Variants in B4GALNT4 observed in about 807,000 individuals in gnomAD.
B4GALNT4 encodes beta-1,4-N-acetyl-galactosaminyltransferase 4.
A neutral mutation model predicts 110.0 loss-of-function variants in B4GALNT4; 77 were observed. The ratio of observed to expected loss-of-function variants is 0.70; its 90% CI spans 0.58 to 0.85. The LOEUF is 0.85. Among genes scored for constraint, B4GALNT4 ranks in the 40% least tolerant of loss-of-function variants. B4GALNT4 has a pLI of 0.00. For missense variants in B4GALNT4, 1,575 were observed against 1,506.0 expected (o/e 1.05, Z -0.76); for synonymous variants, 785 against 655.5 (o/e 1.20, Z -3.02).
intron 8 of B4GALNT4, among the ~76,000 whole-genome samples, 159 bp from the exon 9 acceptor site, chr11:375,302 C>T (rs1325293400): frequency 2.0e-5 from 3 of 151,950 alleles, no homozygotes; most frequent in Non-Finnish European, 4.4e-5. Flanking sequence ...TTCCCTGCTG[C>T]CCCTTCTTGG....
intron 1 of B4GALNT4, 67 bp downstream of exon 1, chr11:370,021 C>CGGCGCGGGG (rs1291773272): frequency 2.5e-4 from 10 of 39,748 alleles, no homozygotes; most frequent in South Asian, 1.9e-3. Flanking sequence ...GGGGCGCGGG[C>CGGCGCGGGG]GGCGCGGGGG....
At position 381,785 on chromosome 11, in the gene B4GALNT4, C is replaced by G. The variant is rs745601138; in HGVS notation, c.3113C>G (p.Ala1038Gly). ...VRSRKGSRTG[A>G]S The stretch of plus-strand genomic sequence containing the variant: ...AGCAGGAAGGGCTCTCGCACGGGGG[C>G]GTCTTGAGGACGGGCAGCCCCTCCC... The change falls in exon 20 of 20, where the codon GCG (alanine) becomes GGG (glycine). Residue 1038 changes from alanine (A) to glycine (G), a missense_variant. Coordinates refer to ENST00000329962, the MANE Select transcript of B4GALNT4 (RefSeq NM_178537.5). 2 of 1,578,432 alleles carry G rather than the reference C, an allele frequency of 1.3e-6. No homozygotes were observed. The highest frequency in any genetic ancestry group is 4.8e-5 in the East Asian group (2 of 41,902).
chr11:375,660 A>T lies in B4GALNT4; in HGVS notation c.872A>T (p.Asp291Val). The change falls in exon 10 of 20, where the codon GAC (aspartate) becomes GTC (valine). Residue 291 changes from aspartate (D) to valine (V), a missense_variant. Coordinates refer to ENST00000329962, the MANE Select transcript of B4GALNT4 (RefSeq NM_178537.5). The part of the protein sequence containing the change: ...LYTDESALKM[D>V]HVAHVPQSPA... ...CCAGATGAGTCAGCCTTGAAGATGG[A>T]CCACGTGGCGCACGTCCCCCAGTCT... 6.3e-7 allele frequency: 1 copy of T among 1,591,168 alleles called. No homozygotes were observed. Among genetic ancestry groups the T allele is most frequent in the Non-Finnish European group, 8.5e-7 (1 of 1,173,292 alleles).
At position 381,779 on chromosome 11, in the gene B4GALNT4, CG is replaced by C. The variant is rs1846882208; in HGVS notation, c.3112del (p.Ala1038ArgfsTer24). On this transcript the variant is annotated frameshift_variant, in exon 20 of 20. Transcript: ENST00000329962. LOFTEE classifies it high-confidence loss of function. ...WSVRSRKGSR[T>X]GAS is the part of the protein sequence containing the mutation. ...GTCCGCAGCAGGAAGGGCTCTCGCACGGGGGCGTCTTGAGGACGGGCAGCCC... is the reference window on the plus strand; with the variant it reads ...GTCCGCAGCAGGAAGGGCTCTCGCACGGGGCGTCTTGAGGACGGGCAGCCC... 3 of 1,581,330 alleles carry C rather than the reference CG, an allele frequency of 1.9e-6. No individual in the cohort carries two copies. The highest frequency in any genetic ancestry group is 2.6e-6 in the Non-Finnish European group (3 of 1,167,328).
chr11:376,670 C>A lies in B4GALNT4; in HGVS notation c.1547C>A (p.Pro516His). Residue 516 changes from proline to histidine, a missense_variant, in exon 14 of 20, where the codon CCT becomes CAT. Pro to His is a moderately conservative substitution (Grantham distance 77). Transcript: ENST00000329962. ...TTGGGCCGAGCTCCGCCCCCGCGCCCTGCAGTGGAGCAGCCGCCCCCAAAG... is the reference window on the plus strand; with the variant it reads ...TTGGGCCGAGCTCCGCCCCCGCGCCATGCAGTGGAGCAGCCGCCCCCAAAG... ...LFLGRAPPPR[P>H]AVEQPPPKVY... 7.0e-7 allele frequency: 1 copy of A among 1,429,792 alleles called. No homozygotes were observed. Among genetic ancestry groups the A allele is most frequent in the South Asian group, 1.3e-5 (1 of 74,560 alleles). The allele number at this position is 1,429,792 out of a possible 1,614,324, so 88.6% of individuals were successfully genotyped here.
rs993099446 is a variant in B4GALNT4 at position 369,504 on chromosome 11, G to GC, written c.-299dup. Among the ~76,000 whole-genome samples, 2 of 130,264 alleles carry GC rather than the reference G, an allele frequency of 1.5e-5. No individual in the cohort carries two copies. The highest frequency in any genetic ancestry group is 3.3e-5 in the Non-Finnish European group (2 of 60,706). 85.5% of individuals were successfully genotyped at this position (130,264 alleles called of 152,430 possible). On this transcript the variant is annotated 5_prime_UTR_variant, in exon 1 of 20. Transcript: ENST00000329962. ...CGCGCGCGCGGCCGGGGCCCGATCC[G>GC]CGGTGGCAGCCGTGGATGCTGTTCG...
rs1264275059 is a variant in B4GALNT4 at position 377,178 on chromosome 11, G to A, written c.2055G>A (p.Thr685=). The A allele has an allele frequency of 2.5e-6, 4 of 1,575,916 alleles. No homozygotes were observed. The highest frequency in any genetic ancestry group is 2.6e-6 in the Non-Finnish European group (3 of 1,162,670). Residue 685 remains threonine (T), a synonymous_variant, in exon 14 of 20, where the codon ACG becomes ACA. Transcript: ENST00000329962. ...AGGACGCCATCGACTGGCAGCGCAC[G>A]TTCAGCGTGGGCGCCGTGGACTTCG... ...WREDAIDWQR[T]FSVGAVDFEL...
In B4GALNT4 at chr11:373,422, C is replaced by CA. The variant is rs112930400; in HGVS notation, c.637-26dup. ...GGAGAGAGTGAACCCCCCCCCCCAC[C>CA]ACCACCCCTGCTCTATCACCCCCCA... On this transcript the variant is annotated intron_variant, in intron 6 of 19. Transcript: ENST00000329962. 55 of 1,351,824 alleles carry CA rather than the reference C, an allele frequency of 4.1e-5. 2 individuals carry two copies. Among genetic ancestry groups the CA allele is most frequent in the African/African-American group, 4.9e-5 (3 of 61,518 alleles). The allele number at this position is 1,351,824 out of a possible 1,614,324, so 83.7% of individuals were successfully genotyped here.
At chr11:381,591 G>A (rs924901629) in intron 19 of B4GALNT4, 78 bp from the exon 20 acceptor site, 1 of 1,166,686 alleles carries the variant, frequency 8.6e-7, no homozygotes. Context: ...CCACCTCTCC[G>A]CCCCCGGCCC....
intron 16 of B4GALNT4, 35 bp from the exon 17 acceptor site, chr11:380,095 C>A (rs771539143): frequency 3.1e-6 from 5 of 1,591,636 alleles, no homozygotes; most frequent in Non-Finnish European, 4.3e-6. Context: ...CTGACCCCAC[C>A]CCCAGAGATC....
chr11:381,189 C>T (rs1278158105), intron 19 of B4GALNT4: 1 of 972,598 alleles, frequency 1.0e-6, no homozygotes, highest in African/African-American at 1.8e-5. Flanking sequence ...AGCTCTGCCC[C>T]CGATCCCATA....
chr11:380,031 T>C lies in B4GALNT4; in HGVS notation c.2642+12T>C. The stretch of plus-strand genomic sequence containing the variant: ...GCGCGCCTGCCCCGGTAACGACCCC[T>C]ACTTCCACCTGGGCGGACCCAGCGC... On this transcript the variant is annotated intron_variant, in intron 16 of 19. Transcript: ENST00000329962. 1.2e-6 allele frequency: 2 copies of C among 1,610,612 alleles called. No individual in the cohort carries two copies. The highest frequency in any genetic ancestry group is 1.7e-6 in the Non-Finnish European group (2 of 1,178,182).
chr11:372,941 C>T lies in B4GALNT4; in HGVS notation c.438C>T (p.Phe146=). 6.2e-7 allele frequency: 1 copy of T among 1,612,224 alleles called. No individual in the cohort carries two copies. The highest frequency in any genetic ancestry group is 8.5e-7 in the Non-Finnish European group (1 of 1,179,786). The change falls in exon 4 of 20, where the codon TTC becomes TTT. Residue 146 remains phenylalanine, a synonymous_variant. Transcript: ENST00000329962. ...HLRRNLHFPL[F]PHTRTTVKKL... is the part of the protein sequence containing the mutation. ...GGAGGAACCTGCACTTCCCGCTGTT[C>T]CCTCATGTGAGTGCCGGGGTTGGGG...
At chr11:372,805 C>CG (rs765103219) in intron 3 of B4GALNT4, 47 bp from the exon 4 acceptor site, 1,720 of 85,062 alleles carry the variant, frequency 0.02, 9 homozygotes, top group African/African-American at 0.17. Flanking sequence ...GGGGCTGGGG[C>CG]GGGGGGGCGG....
At chr11:380,706 G>A in intron 18 of B4GALNT4, 119 bp from the exon 19 acceptor site, 1 of 1,509,732 alleles carries the variant, frequency 6.6e-7, no homozygotes, top group Non-Finnish European at 9.2e-7. Flanking sequence ...ACTCCCGGAA[G>A]CCCCCGTGGT....
At chr11:378,505 G>A (rs1846806028) in intron 14 of B4GALNT4, among the ~76,000 whole-genome samples, 1 of 152,214 alleles carries the variant, frequency 6.6e-6, no homozygotes, top group Non-Finnish European at 1.5e-5. Flanking sequence ...AGCATTTGGG[G>A]CAGGAGGTCC....
intron 14 of B4GALNT4, 61 bp from the exon 15 acceptor site, chr11:379,357 A>G: frequency 7.1e-7 from 1 of 1,416,042 alleles, no homozygotes. Flanking sequence ...AGGGCGGACC[A>G]GGGTTGCGGG....
rs1451726257 is a variant in B4GALNT4 at position 376,072 on chromosome 11, A to G, written c.1096-2A>G. On this transcript the variant is annotated splice_acceptor_variant, in intron 11 of 19. Transcript: ENST00000329962. LOFTEE classifies it high-confidence loss of function. ...TGAGCCCTGCGCCCCCCCACCCCCC[A>G]GGTGTACCTGTCCTTCGTTTATCCC... 1 of 1,089,194 alleles carries G rather than the reference A, an allele frequency of 9.2e-7. No homozygotes were observed. The highest frequency in any genetic ancestry group is 1.3e-6 in the Non-Finnish European group (1 of 753,658). 67.5% of individuals were successfully genotyped at this position (1,089,194 alleles called of 1,614,324 possible). A position where few individuals can be genotyped will look rare whatever the true frequency, so the allele number is the denominator to read the frequency against.
In B4GALNT4 at chr11:376,490, G is replaced by A. The variant is rs199532615; in HGVS notation, c.1367G>A (p.Arg456Lys). 1.6e-4 allele frequency: 252 copies of A among 1,572,210 alleles called. 3 individuals are homozygous for A. Among genetic ancestry groups the A allele is most frequent in the South Asian group, 6.9e-4 (61 of 87,928 alleles). The change falls in exon 14 of 20, where the codon AGG (arginine) becomes AAG (lysine). Residue 456 changes from arginine to lysine, a missense_variant. Transcript: ENST00000329962. ...GAGCCCACCGAGGCGGCCCCGCCCA[G>A]GAGCGGCCCCCAGTCCCCCGCCCCA... ...SLEPTEAAPP[R>K]SGPQSPAPAA...
Sources: gnomAD v4.1 joint callset for allele counts (sites outside exome capture counted in the v4.1 genomes callset) on GRCh38, gnomAD v4.1.1 for gene constraint, MANE v1.5 for transcripts, NCBI Gene and HGNC (gene_info 2026-07-23, HGNC 2026-07-21) for gene names.